Variants in CHRM5 observed in about 807,000 individuals in gnomAD.
CHRM5 encodes cholinergic receptor muscarinic 5.
In CHRM5, 18 loss-of-function variants were observed where a neutral mutation model predicts 39.0. The observed-to-expected ratio is 0.46, with a 90% CI of 0.32 to 0.68. The LOEUF is 0.68. Among genes scored for constraint, CHRM5 ranks in the 30% least tolerant of loss-of-function variants. The pLI is 0.04. For synonymous variants in CHRM5, 241 were observed against 246.3 expected (o/e 0.98, Z 0.20); for missense variants, 515 against 651.1 (o/e 0.79, Z 2.28).
At chr15:34,049,782 G>A (rs986158893) in intron 2 of CHRM5, among the ~76,000 whole-genome samples, 1 of 151,754 alleles carries the variant, frequency 6.6e-6, no homozygotes, top group African/African-American at 2.4e-5. Flanking sequence ...GGCAGCCAGA[G>A]AGAAGGGCCA....
At chr15:34,003,561 T>C (rs1264145773) in intron 1 of CHRM5, among the ~76,000 whole-genome samples, 1 of 152,220 alleles carries the variant, frequency 6.6e-6, no homozygotes, top group Non-Finnish European at 1.5e-5. Flanking sequence ...GGAAATCAAC[T>C]CTCCCTTTCA....
rs558991084 is a variant in CHRM5 at position 33,975,854 on chromosome 15, C to T, written c.-408+6704C>T. ...CTGAGGCAGAAGAATCCCTTGAACC[C>T]GGGCAGCGGAGGTTACAGTGAGCCT... On this transcript the variant is annotated intron_variant, in intron 1 of 2. Coordinates refer to ENST00000383263, the MANE Select transcript of CHRM5 (RefSeq NM_012125.4). 7.9e-5 allele frequency among the ~76,000 whole-genome samples: 12 copies of T among 152,258 alleles called. 1 individual carries two copies. Among genetic ancestry groups the T allele is most frequent in the African/African-American group, 2.2e-4 (9 of 41,554 alleles).
At chr15:34,055,395 C>T (rs1488640187) in intron 2 of CHRM5, among the ~76,000 whole-genome samples, 2 of 152,058 alleles carry the variant, frequency 1.3e-5, no homozygotes, top group Non-Finnish European at 2.9e-5. Flanking sequence ...GTCCCAGCTA[C>T]TCAGGAGGCT....
chr15:34,064,277 A>G lies in CHRM5; in HGVS notation c.1560A>G (p.Glu520=), dbSNP rs1287646790. ...GCCGATGGAAAAAGAAAAAAGTGGA[A>G]GAGAAGTTGTACTGGCAGGGGAACA... ...LLCRWKKKKV[E]EKLYWQGNSK... Residue 520 remains glutamate (E), a synonymous_variant, in exon 3 of 3, where the codon GAA becomes GAG. Coordinates refer to ENST00000383263, the MANE Select transcript of CHRM5 (RefSeq NM_012125.4). 6.2e-7 allele frequency: 1 copy of G among 1,614,108 alleles called. No individual in the cohort carries two copies. Among genetic ancestry groups the G allele is most frequent in the African/African-American group, 1.3e-5 (1 of 75,054 alleles).
At chr15:34,037,272 A>T (rs1161397846) in intron 1 of CHRM5, among the ~76,000 whole-genome samples, 6 of 152,042 alleles carry the variant, frequency 3.9e-5, no homozygotes, top group African/African-American at 1.2e-4. Flanking sequence ...CATTACTACA[A>T]TTACTCTTAA....
At chr15:34,034,686 G>A (rs1899034820) in intron 1 of CHRM5, among the ~76,000 whole-genome samples, 1 of 152,124 alleles carries the variant, frequency 6.6e-6, no homozygotes, top group South Asian at 2.1e-4. Context: ...AAGTGAAATA[G>A]TGGTCAGTGA....
At chr15:34,054,023 T>C (rs1436878721) in intron 2 of CHRM5, among the ~76,000 whole-genome samples, 1 of 151,976 alleles carries the variant, frequency 6.6e-6, no homozygotes, top group Non-Finnish European at 1.5e-5. Context: ...AGAACCTGTA[T>C]GAACAAACAC....
At chr15:33,973,957 A>G (rs1212261065) in intron 1 of CHRM5, among the ~76,000 whole-genome samples, 5 of 152,344 alleles carry the variant, frequency 3.3e-5, no homozygotes, top group African/African-American at 9.6e-5. Context: ...GCAAGTAGGT[A>G]ACTGCAGAAA....
At chr15:33,998,025 C>T (rs1284783558) in intron 1 of CHRM5, among the ~76,000 whole-genome samples, 4 of 152,164 alleles carry the variant, frequency 2.6e-5, no homozygotes, top group African/African-American at 9.7e-5. Flanking sequence ...TCTCTCCTTC[C>T]ACTTCCAGTA....
At chr15:34,008,949 C>CGT (rs1372047381) in intron 1 of CHRM5, among the ~76,000 whole-genome samples, 6 of 21,124 alleles carry the variant, frequency 2.8e-4, no homozygotes, top group South Asian at 1.9e-3. Flanking sequence ...CACACGTGCG[C>CGT]GCGCGCACAC....
intron 1 of CHRM5, among the ~76,000 whole-genome samples, chr15:33,982,215 G>A (rs1446231686): frequency 4.6e-5 from 7 of 151,972 alleles, no homozygotes; most frequent in African/African-American, 1.7e-4. Context: ...CATCTCTGCA[G>A]ATGTAGAGCT....
chr15:33,976,003 T>C (rs140393034), intron 1 of CHRM5, among the ~76,000 whole-genome samples: 1 of 152,322 alleles, frequency 6.6e-6, no homozygotes, highest in Non-Finnish European at 1.5e-5. Flanking sequence ...AACAACATTA[T>C]ACCAAACACT....
intron 2 of CHRM5, among the ~76,000 whole-genome samples, chr15:34,058,681 C>G (rs1292487115): frequency 6.6e-6 from 1 of 151,788 alleles, no homozygotes; most frequent in Non-Finnish European, 1.5e-5. Context: ...TTTGCTTCTG[C>G]TTTCTTCAGG....
At chr15:34,060,932 C>T (rs887398517) in intron 2 of CHRM5, among the ~76,000 whole-genome samples, 47 of 151,434 alleles carry the variant, frequency 3.1e-4, no homozygotes, top group South Asian at 1.5e-3. Flanking sequence ...AGGAGAATGG[C>T]GTGAACCCAG....
Position 34,028,122 on chromosome 15 carries a change from G to A in CHRM5, c.-407-18418G>A, listed in dbSNP as rs150756749. On this transcript the variant is annotated intron_variant, in intron 1 of 2. Coordinates refer to ENST00000383263, the MANE Select transcript of CHRM5 (RefSeq NM_012125.4). ...AGAGACCCCCCCTCAGCAAAAGCTGGGAGACTTCATGCTTCAAGCCATTTA... is the reference window on the plus strand; with the variant it reads ...AGAGACCCCCCCTCAGCAAAAGCTGAGAGACTTCATGCTTCAAGCCATTTA... Among the ~76,000 whole-genome samples, 634 of 152,146 alleles carry A rather than the reference G, an allele frequency of 4.2e-3. 5 individuals are homozygous for A. Among genetic ancestry groups the A allele is most frequent in the African/African-American group, 0.014 (582 of 41,510 alleles).
chr15:34,064,177 A>AT lies in CHRM5; in HGVS notation c.1461dup (p.Ser488Ter), dbSNP rs1900447848. On this transcript the variant is annotated frameshift_variant, in exon 3 of 3. Transcript: ENST00000383263. LOFTEE classifies it high-confidence loss of function. ...TTGGGCTATTGGTTGTGCTATGTCA[A>AT]TAGCACTGTCAACCCCATCTGCTAT... 6.2e-7 allele frequency: 1 copy of AT among 1,614,074 alleles called. No homozygotes were observed. Among genetic ancestry groups the AT allele is most frequent in the African/African-American group, 1.3e-5 (1 of 74,916 alleles).
Position 33,985,057 on chromosome 15 carries a change from G to T in CHRM5, c.-408+15907G>T, listed in dbSNP as rs182287922. 1.7e-3 allele frequency among the ~76,000 whole-genome samples: 260 copies of T among 152,112 alleles called. 1 individual carries two copies. The highest frequency in any genetic ancestry group is 6.1e-3 in the African/African-American group (252 of 41,522). Reference sequence around the variant, plus strand: ...AGCATTCTGTATCCCACAGCACTCTGTACCTGTCACACTGAACTGTATTTG... The same window carrying T: ...AGCATTCTGTATCCCACAGCACTCTTTACCTGTCACACTGAACTGTATTTG... On this transcript the variant is annotated intron_variant, in intron 1 of 2. Coordinates refer to ENST00000383263, the MANE Select transcript of CHRM5 (RefSeq NM_012125.4).
chr15:34,025,381 T>G (rs2684932), intron 1 of CHRM5, among the ~76,000 whole-genome samples: 1 of 152,020 alleles, frequency 6.6e-6, no homozygotes, highest in Non-Finnish European at 1.5e-5. Flanking sequence ...GAATAAAAAA[T>G]GAGCAGGAAG....
chr15:34,019,625 T>C (rs2140708443), intron 1 of CHRM5, among the ~76,000 whole-genome samples: 1 of 152,348 alleles, frequency 6.6e-6, no homozygotes, highest in African/African-American at 2.4e-5. Flanking sequence ...TCTCATCCTA[T>C]ACACAGTAAT....
Sources: allele counts gnomAD v4.1 joint callset (sites outside exome capture counted in the v4.1 genomes callset), GRCh38; gene constraint gnomAD v4.1.1; transcripts MANE v1.5; gene names NCBI Gene and HGNC (gene_info 2026-07-23, HGNC 2026-07-21).